The following OVCH1 variants were observed in gnomAD, a reference collection of about 807,000 sequenced individuals.
OVCH1 encodes the protein ovochymase-1.
OVCH1 carries 139 observed loss-of-function variants against 138.4 expected under a neutral mutation model. The observed-to-expected ratio is 1.00, with a 90% CI of 0.87 to 1.16. The LOEUF (loss-of-function observed/expected upper bound fraction) is 1.16. Among genes scored for constraint, OVCH1 ranks in the 50% most tolerant of loss-of-function variants. The probability of loss-of-function intolerance (pLI) is 0.00; values close to 1 mark genes in which losing one functional copy is unlikely to be tolerated. For missense variants in OVCH1, 1,367 were observed against 1,357.9 expected (o/e 1.01, Z -0.11); for synonymous variants, 453 against 467.8 (o/e 0.97, Z 0.41).
intron 5 of OVCH1, 144 bp from the exon 6 acceptor site, chr12:29,489,915 C>T: frequency 1.1e-6 from 1 of 937,196 alleles, no homozygotes; most frequent in South Asian, 1.7e-5. Context: ...ATATTCACTT[C>T]TAAAAATCAG....
At chr12:29,464,649 A>G (rs377400158) in exon 18 of OVCH1, 28 of 1,613,470 alleles carry the variant, frequency 1.7e-5, no homozygotes, top group Non-Finnish European at 2.4e-5. Flanking sequence ...TGTCAGAGTC[A>G]TAACTTAGTG....
intron 19 of OVCH1, among the ~76,000 whole-genome samples, chr12:29,459,000 G>T (rs1366154590): frequency 2.0e-5 from 3 of 152,138 alleles, no homozygotes; most frequent in Non-Finnish European, 4.4e-5. Context: ...TGCTTATAGG[G>T]AGGTGGAGAA....
chr12:29,454,278 G>A (rs1477789702), intron 21 of OVCH1, among the ~76,000 whole-genome samples: 2 of 152,126 alleles, frequency 1.3e-5, no homozygotes, highest in Non-Finnish European at 2.9e-5. Context: ...TACTGGGGTT[G>A]AATGTATTGG....
chr12:29,449,276 T>C (rs199734476), intron 22 of OVCH1, among the ~76,000 whole-genome samples: 6 of 137,336 alleles, frequency 4.4e-5, no homozygotes, highest in Admixed American at 1.5e-4. Flanking sequence ...CCCCCCTCCC[T>C]ACACACACAC....
intron 22 of OVCH1, among the ~76,000 whole-genome samples, chr12:29,446,555 G>C (rs1187845916): frequency 2.0e-5 from 3 of 151,980 alleles, no homozygotes; most frequent in African/African-American, 7.2e-5. Context: ...AGTTCAAGCT[G>C]ACAATTTCAA....
intron 3 of OVCH1, among the ~76,000 whole-genome samples, chr12:29,419,008 C>A (rs890150785): frequency 6.6e-6 from 1 of 152,036 alleles, no homozygotes; most frequent in African/African-American, 2.4e-5. Flanking sequence ...GCCCACACCA[C>A]TATGCCCAGC....
chr12:29,419,159 A>G (rs769818687), intron 3 of OVCH1, among the ~76,000 whole-genome samples: 3 of 152,192 alleles, frequency 2.0e-5, no homozygotes, highest in Non-Finnish European at 2.9e-5. Flanking sequence ...TGCCCAGTCT[A>G]CATTTCTAAT....
At chr12:29,475,530 C>T (rs1035904218) in intron 13 of OVCH1, among the ~76,000 whole-genome samples, 2 of 151,946 alleles carry the variant, frequency 1.3e-5, no homozygotes, top group African/African-American at 4.8e-5. Context: ...CATAAGCATA[C>T]TTTATAAGAG....
chr12:29,476,754 C>CGT lies in OVCH1; in HGVS notation c.1377+347_1377+348insAC, dbSNP rs1555151660. On this transcript the variant is annotated intron_variant, in intron 12 of 27. Coordinates refer to ENST00000318184, the Ensembl canonical transcript of OVCH1. ...GCCAAGCAGCATAAGTACACACGCG[C>CGT]GCACACACACACACACACACACACA... Among the ~76,000 whole-genome samples the CGT allele has an allele frequency of 4.0e-3, 35 of 8,830 alleles. No homozygotes were observed. The South Asian group carries it at 0.14, about 35-fold the overall frequency. 5.8% of individuals were successfully genotyped at this position (8,830 alleles called of 152,430 possible).
chr12:29,439,059 T>C lies in OVCH1; in HGVS notation c.3264+269A>G, dbSNP rs966261481. 2.0e-5 allele frequency among the ~76,000 whole-genome samples: 3 copies of C among 152,192 alleles called. No individual in the cohort carries two copies. In the East Asian group the frequency reaches 5.8e-4, roughly 29 times the overall value. ...CTCCACTAGGAGGGCAGAACAATTC[T>C]TAATTAGAGACAAATCTCGACTCTT... On this transcript the variant is annotated intron_variant, in intron 26 of 27. Coordinates refer to ENST00000318184, the Ensembl canonical transcript of OVCH1.
intron 23 of OVCH1, among the ~76,000 whole-genome samples, chr12:29,444,922 A>C (rs1056707032): frequency 1.3e-5 from 2 of 152,098 alleles, no homozygotes; most frequent in East Asian, 3.9e-4. Context: ...GTCCAGAGCT[A>C]ATCAGCCAGC....
At chr12:29,416,636 T>TA (rs148330316) in intron 3 of OVCH1, among the ~76,000 whole-genome samples, 6,264 of 152,222 alleles carry the variant, frequency 0.041, 167 homozygotes, top group East Asian at 0.068. Flanking sequence ...AACATTTTTT[T>TA]AAAAAAGAAT....
chr12:29,486,169 A>C, intron 8 of OVCH1, 81 bp downstream of exon 8: 2 of 1,290,350 alleles, frequency 1.5e-6, no homozygotes, highest in Non-Finnish European at 1.1e-6. Flanking sequence ...CAGATTGTGA[A>C]TATGGTACAA....
Position 29,459,790 on chromosome 12 carries a change from GA to G in OVCH1, c.2280+2063del, listed in dbSNP as rs1942072043. Among the ~76,000 whole-genome samples the G allele has an allele frequency of 2.6e-5, 4 of 151,818 alleles. 1 individual carries two copies. Among genetic ancestry groups the G allele is most frequent in the Admixed American group, 2.6e-4 (4 of 15,224 alleles). On this transcript the variant is annotated intron_variant, in intron 19 of 27. Coordinates refer to ENST00000318184, the Ensembl canonical transcript of OVCH1. ...ACCCACAAAATTAAAAATTAAAAAA[GA>G]ACTTAGAATAAAAAATCTGAAAGCC...
downstream of OVCH1, among the ~76,000 whole-genome samples, chr12:29,407,494 G>A (rs1367463960): frequency 1.3e-5 from 2 of 150,208 alleles, no homozygotes; most frequent in Non-Finnish European, 3.0e-5. Context: ...TAAGGTGTAA[G>A]GAAGGGATCC....
At chr12:29,412,277 A>C (rs1303891808), downstream of OVCH1, among the ~76,000 whole-genome samples, 1 of 151,816 alleles carries the variant, frequency 6.6e-6, no homozygotes, top group Admixed American at 6.6e-5. Flanking sequence ...GCAATGCCTC[A>C]CTCTGCTTCG....
At chr12:29,407,126 G>T in the OVCH1 span, among the ~76,000 whole-genome samples, 1 of 151,608 alleles carries the variant, frequency 6.6e-6, no homozygotes, top group Non-Finnish European at 1.5e-5. Flanking sequence ...GTCTGTTCAT[G>T]TCCTTCGCCC....
intron 3 of OVCH1, among the ~76,000 whole-genome samples, chr12:29,421,335 A>G (rs1941101277): frequency 6.6e-6 from 1 of 152,262 alleles, no homozygotes; most frequent in Non-Finnish European, 1.5e-5. Flanking sequence ...AAAACATTAT[A>G]TAAAAGTAAT....
At chr12:29,495,316 T>A (rs1431833739) in exon 4 of OVCH1, 1 of 1,612,926 alleles carries the variant, frequency 6.2e-7, no homozygotes, top group Non-Finnish European at 8.5e-7. Flanking sequence ...GATACAGCAG[T>A]GCAATATCAG....
Sources: gnomAD v4.1 joint callset for allele counts (sites outside exome capture counted in the v4.1 genomes callset) on GRCh38, gnomAD v4.1.1 for gene constraint, MANE v1.5 for transcripts, NCBI Gene and HGNC (gene_info 2026-07-23, HGNC 2026-07-21) for gene names.